Variants in CPD observed in about 807,000 individuals in gnomAD.
CPD encodes the protein metallocarboxypeptidase D.
A neutral mutation model predicts 138.3 loss-of-function variants in CPD; 69 were observed. The observed-to-expected ratio is 0.50, with a 90% CI of 0.41 to 0.61. The LOEUF (loss-of-function observed/expected upper bound fraction) is 0.61, where lower values mean the gene tolerates loss of function less well. Among genes scored for constraint, CPD ranks in the 20% least tolerant of loss-of-function variants. CPD has a pLI of 0.00. For synonymous variants in CPD, 651 were observed against 642.1 expected (o/e 1.01, Z -0.21); for missense variants, 1,432 against 1,733.3 (o/e 0.83, Z 3.09).
intron 2 of CPD, among the ~76,000 whole-genome samples, chr17:30,387,782 T>C (rs4795547): frequency 0.52 from 79,011 of 152,110 alleles, 21,225 homozygotes; most frequent in East Asian, 0.83. Flanking sequence ...AGTTTGAGAA[T>C]TTAATACTTT....
intron 14 of CPD, among the ~76,000 whole-genome samples, chr17:30,453,244 C>G (rs1913211098): frequency 6.6e-6 from 1 of 152,170 alleles, no homozygotes; most frequent in Admixed American, 6.5e-5. Flanking sequence ...GCCTCTGAGG[C>G]TGTAAAATCA....
At position 30,445,930 on chromosome 17, in the gene CPD, T is replaced by G; in HGVS notation, c.2783T>G (p.Leu928Arg). 6.2e-7 allele frequency: 1 copy of G among 1,614,162 alleles called. No individual in the cohort carries two copies. The highest frequency in any genetic ancestry group is 8.5e-7 in the Non-Finnish European group (1 of 1,180,020). The change falls in exon 12 of 21, where the codon CTG becomes CGG. Residue 928 changes from leucine (L) to arginine (R), a missense_variant. By Grantham distance (102) the Leu-to-Arg change is moderately radical (BLOSUM62 -2). This residue lies in a region of CPD where 124 missense variants were observed against 117.0 expected (regional missense o/e 1.06). Coordinates refer to ENST00000225719, the MANE Select transcript of CPD (RefSeq NM_001304.5). ...TTACGCTCCTCCTCAAATCTGGCTC[T>G]GGCTCTTTATCGATACCATTCCTAC... The part of the protein sequence containing the change: ...LMLRSSSNLA[L>R]ALYRYHSYKD...
At chr17:30,395,241 TA>T (rs1911471298) in intron 2 of CPD, among the ~76,000 whole-genome samples, 1 of 150,394 alleles carries the variant, frequency 6.6e-6, no homozygotes, top group East Asian at 2.0e-4. Context: ...ATGCATTTCG[TA>T]CTGGGATGTT....
intron 14 of CPD, among the ~76,000 whole-genome samples, chr17:30,453,136 A>G (rs1019266319): frequency 4.6e-5 from 7 of 152,200 alleles, no homozygotes; most frequent in African/African-American, 1.7e-4. Context: ...CTCACATTTC[A>G]AAACCAATCA....
chr17:30,421,125 A>G, intron 3 of CPD, 142 bp downstream of exon 3: 1 of 618,842 alleles, frequency 1.6e-6, no homozygotes. Flanking sequence ...TTATCTTTAA[A>G]GATTATTAGA....
At chr17:30,400,762 A>G (rs1356858749) in intron 2 of CPD, among the ~76,000 whole-genome samples, 2 of 134,984 alleles carry the variant, frequency 1.5e-5, no homozygotes, top group African/African-American at 5.7e-5. Context: ...GGTTCACTCC[A>G]TTCTCCTGCC....
At chr17:30,456,679 T>C (rs1859737783) in intron 17 of CPD, 153 bp downstream of exon 17, 2 of 605,538 alleles carry the variant, frequency 3.3e-6, no homozygotes, top group Non-Finnish European at 2.9e-6. Context: ...CCATTTCTAC[T>C]AAAAATATAA....
At chr17:30,436,996 A>G (rs1394150765) in intron 8 of CPD, among the ~76,000 whole-genome samples, 2 of 152,178 alleles carry the variant, frequency 1.3e-5, no homozygotes, top group Non-Finnish European at 2.9e-5. Context: ...AACCTTAAAA[A>G]CCTACTAAGT....
Position 30,461,235 on chromosome 17 carries a change from G to C in CPD, c.3554G>C (p.Cys1185Ser), listed in dbSNP as rs1913465340. The change falls in exon 18 of 21, where the codon TGT becomes TCT. Residue 1185 changes from cysteine to serine, a missense_variant. This residue lies in a region of CPD where 366 missense variants were observed against 518.8 expected (regional missense o/e 0.71). Transcript: ENST00000225719. ...CPEITVYTSCCYFPSAARLPS... is the reference protein window; with the variant it reads ...CPEITVYTSCSYFPSAARLPS... ...GAAATCACAGTATACACAAGCTGCTGTTACTTTCCTAGTGCTGCACGACTC... is the reference window on the plus strand; with the variant it reads ...GAAATCACAGTATACACAAGCTGCTCTTACTTTCCTAGTGCTGCACGACTC... The C allele has an allele frequency of 6.2e-7, 1 of 1,612,218 alleles. No homozygotes were observed.
intron 2 of CPD, among the ~76,000 whole-genome samples, chr17:30,420,106 C>T (rs572549236): frequency 6.6e-6 from 1 of 152,302 alleles, no homozygotes; most frequent in Non-Finnish European, 1.5e-5. Context: ...GGGTAATAGG[C>T]TGTCAACAAA....
chr17:30,439,365 A>ATTCTT (rs1912787353), intron 9 of CPD, among the ~76,000 whole-genome samples: 1 of 20,960 alleles, frequency 4.8e-5, no homozygotes, highest in Non-Finnish European at 8.8e-5. Flanking sequence ...CTATATTTGA[A>ATTCTT]TTCTTTTTTT....
chr17:30,408,349 A>C (rs886423811), intron 2 of CPD, among the ~76,000 whole-genome samples: 5 of 152,074 alleles, frequency 3.3e-5, no homozygotes, highest in African/African-American at 7.2e-5. Context: ...TGAAGAAAGT[A>C]ATTGGTAGCT....
Position 30,467,327 on chromosome 17 carries a change from A to T in CPD, c.*2513A>T, listed in dbSNP as rs1361977063. Reference sequence around the variant, plus strand: ...TCCTTCCCAGCTCCTTAATAAAAGCAAAGTGATTGAGTAGGTAATGTTCAA... The same window carrying T: ...TCCTTCCCAGCTCCTTAATAAAAGCTAAGTGATTGAGTAGGTAATGTTCAA... On this transcript the variant is annotated 3_prime_UTR_variant, in exon 21 of 21. Coordinates refer to ENST00000225719, the MANE Select transcript of CPD (RefSeq NM_001304.5). 6.6e-6 allele frequency: 1 copy of T among 152,580 alleles called. No homozygotes were observed. Among genetic ancestry groups the T allele is most frequent in the Non-Finnish European group, 1.5e-5 (1 of 68,034 alleles). The allele number at this position is 152,580 out of a possible 1,614,324, so 9.5% of individuals were successfully genotyped here. A position where few individuals can be genotyped will look rare whatever the true frequency, so the allele number is the denominator to read the frequency against.
Position 30,379,817 on chromosome 17 carries a change from A to G in CPD, c.746+91A>G, listed in dbSNP as rs1029417772. 1.3e-5 allele frequency: 12 copies of G among 939,160 alleles called. No homozygotes were observed. The highest frequency in any genetic ancestry group is 4.0e-5 in the Admixed American group (1 of 25,188). The allele number at this position is 939,160 out of a possible 1,614,324, so 58.2% of individuals were successfully genotyped here. A position where few individuals can be genotyped will look rare whatever the true frequency, so the allele number is the denominator to read the frequency against. On this transcript the variant is annotated intron_variant, in intron 1 of 20. Coordinates refer to ENST00000225719, the MANE Select transcript of CPD (RefSeq NM_001304.5). The surrounding 1 kb of genome is among the most constrained non-coding windows in gnomAD (Gnocchi z 7.0). Reference sequence around the variant, plus strand: ...CAGTAGGCGCTCAGACAATGCTGGCATAAGGGGTGGCGGTGGTGAAGGTGA... The same window carrying G: ...CAGTAGGCGCTCAGACAATGCTGGCGTAAGGGGTGGCGGTGGTGAAGGTGA...
rs1167404243 is a variant in CPD, at chr17:30,465,486, A to G, written c.*672A>G. Reference sequence around the variant, plus strand: ...GGTTTAGCAAACTTCTAAATAGCCCATTTTAAGGGAGAACTTACTAACTTT... The same window carrying G: ...GGTTTAGCAAACTTCTAAATAGCCCGTTTTAAGGGAGAACTTACTAACTTT... On this transcript the variant is annotated 3_prime_UTR_variant, in exon 21 of 21. Coordinates refer to ENST00000225719, the MANE Select transcript of CPD (RefSeq NM_001304.5). 3 of 152,658 alleles carry G rather than the reference A, an allele frequency of 2.0e-5. No individual in the cohort carries two copies. Among genetic ancestry groups the G allele is most frequent in the Non-Finnish European group, 4.4e-5 (3 of 68,046 alleles). The allele number at this position is 152,658 out of a possible 1,614,324, so 9.5% of individuals were successfully genotyped here.
rs1218354132 is a variant in CPD, at chr17:30,469,004, A to T, written c.*4190A>T. The T allele has an allele frequency of 1.3e-5, 2 of 152,156 alleles. No homozygotes were observed. The highest frequency in any genetic ancestry group is 6.5e-5 in the Admixed American group (1 of 15,276). The allele number at this position is 152,156 out of a possible 1,614,324, so 9.4% of individuals were successfully genotyped here. A position where few individuals can be genotyped will look rare whatever the true frequency, so the allele number is the denominator to read the frequency against. ...AAAGGTTTTTATGTACGCATTTTAAACTTGTTCGTTAAAAATTTGGTCCTT... is the reference window on the plus strand; with the variant it reads ...AAAGGTTTTTATGTACGCATTTTAATCTTGTTCGTTAAAAATTTGGTCCTT... On this transcript the variant is annotated 3_prime_UTR_variant, in exon 21 of 21. Transcript: ENST00000225719.
intron 14 of CPD, 148 bp from the exon 15 acceptor site, chr17:30,455,191 T>G (rs1913262433): frequency 6.2e-4 from 400 of 647,084 alleles, no homozygotes; most frequent in East Asian, 9.4e-4. Context: ...CTTTCTTGCT[T>G]GAGATAGTGG....
In CPD at chr17:30,379,035, C is replaced by A; in HGVS notation, c.55C>A (p.Leu19Ile). Residue 19 changes from leucine (L) to isoleucine (I), a missense_variant, in exon 1 of 21, where the codon CTC becomes ATC. Physicochemically the swap from Leu to Ile is conservative, Grantham distance 5. Coordinates refer to ENST00000225719, the MANE Select transcript of CPD (RefSeq NM_001304.5). This position sits in a 1 kb window ranked among gnomAD's most constrained non-coding sequence, Gnocchi z 7.0. ...TTGGCGGCTAGGGCGGCTCCTGTTG[C>A]TCATGTGCCTGCTGCTGCTGGGGAG... ...PPWRLGRLLL[L>I]MCLLLLGSSA... The A allele has an allele frequency of 6.4e-7, 1 of 1,560,666 alleles. No homozygotes were observed. The highest frequency in any genetic ancestry group is 1.4e-5 in the African/African-American group (1 of 70,872).
chr17:30,447,028 A>G (rs910468178), intron 12 of CPD, among the ~76,000 whole-genome samples: 2 of 151,666 alleles, frequency 1.3e-5, no homozygotes, highest in African/African-American at 4.8e-5. Flanking sequence ...GGTTGTTTGT[A>G]TTTTTCTTGT....
Sources: allele counts gnomAD v4.1 joint callset (sites outside exome capture counted in the v4.1 genomes callset), GRCh38; gene constraint gnomAD v4.1.1; regional missense constraint gnomAD v4.1.1; non-coding constraint Gnocchi (gnomAD v3.1); transcripts MANE v1.5; gene names NCBI Gene and HGNC (gene_info 2026-07-23, HGNC 2026-07-21).